Variants in NUDT19 observed in about 807,000 individuals in gnomAD.
The protein encoded by NUDT19 is nudix hydrolase 19.
In NUDT19, 31 loss-of-function variants were observed where a neutral mutation model predicts 22.2. That is an observed-to-expected ratio of 1.40 (90% confidence interval 1.05 to 1.89). The LOEUF (loss-of-function observed/expected upper bound fraction) is 1.89, where lower values mean the gene tolerates loss of function less well. Ranked by LOEUF, NUDT19 falls within the 40% of genes most tolerant of loss-of-function variation. The probability of loss-of-function intolerance (pLI) is 0.00; values close to 1 mark genes in which losing one functional copy is unlikely to be tolerated. For synonymous variants in NUDT19, 325 were observed against 230.8 expected, an observed-to-expected ratio of 1.41 and a Z score of -3.70; for missense variants, 752 against 514.2, an observed-to-expected ratio of 1.46 and a Z score of -4.47.
At chr19:32,709,416 T>C in intron 2 of NUDT19, 24 bp downstream of exon 2, 2 of 1,598,004 alleles carry the variant, frequency 1.3e-6, no homozygotes, top group Middle Eastern at 3.3e-4. Flanking sequence ...GCATCGGTGC[T>C]TTTGTTAGTA....
Position 32,712,246 on chromosome 19 carries a change from T to C in NUDT19, c.*289T>C, listed in dbSNP as rs1599804805. 1 of 270,990 alleles carries C rather than the reference T, an allele frequency of 3.7e-6. No homozygotes were observed. The highest frequency in any genetic ancestry group is 9.0e-5 in the East Asian group (1 of 11,170). 16.8% of individuals were successfully genotyped at this position (270,990 alleles called of 1,614,324 possible). ...CCCGCCACCATGCCCAGCTAATTTT[T>C]TTTTGTATTTTTAGTAGAGACGGGT... On this transcript the variant is annotated 3_prime_UTR_variant, in exon 3 of 3. Transcript: ENST00000397061.
chr19:32,711,626 G>T (rs1450072677), intron 2 of NUDT19, 126 bp from the exon 3 acceptor site: 1 of 625,448 alleles, frequency 1.6e-6, no homozygotes, highest in African/African-American at 1.8e-5. Flanking sequence ...ATACTGATTT[G>T]TATTTCATTA....
At chr19:32,693,170 G>A (rs1968222008) in intron 1 of NUDT19, among the ~76,000 whole-genome samples, 1 of 152,202 alleles carries the variant, frequency 6.6e-6, no homozygotes, top group South Asian at 2.1e-4. Flanking sequence ...TAAAGCCGCG[G>A]ACCCTCGAAG....
At chr19:32,696,648 A>T (rs572475501) in intron 1 of NUDT19, among the ~76,000 whole-genome samples, 4 of 152,098 alleles carry the variant, frequency 2.6e-5, no homozygotes, top group Non-Finnish European at 5.9e-5. Context: ...CCTCCCTAAT[A>T]AGGGTGTGGG....
rs1221021302 is a variant in NUDT19 at position 32,691,986 on chromosome 19, C to G, written c.26C>G (p.Pro9Arg). ...ATGAGCAGCTCCCTGCGGCCGGGCC[C>G]CAGCCGCTGGCGGCGGGCGGCCAGC... is the stretch of plus-strand genomic sequence containing the variant. MSSSLRPG[P>R]SRWRRAASIV... is the part of the protein sequence containing the mutation. Residue 9 changes from proline (P) to arginine (R), a missense_variant, in exon 1 of 3, where the codon CCC (proline) becomes CGC (arginine). Pro to Arg is a moderately radical substitution (Grantham distance 103). Transcript: ENST00000397061. 1 of 1,234,994 alleles carries G rather than the reference C, an allele frequency of 8.1e-7. No homozygotes were observed. The highest frequency in any genetic ancestry group is 3.2e-5 in the East Asian group (1 of 30,988). The allele number at this position is 1,234,994 out of a possible 1,614,324, so 76.5% of individuals were successfully genotyped here.
chr19:32,692,202 C>T lies in NUDT19; in HGVS notation c.242C>T (p.Ala81Val). Residue 81 changes from alanine (A) to valine (V), a missense_variant, in exon 1 of 3, where the codon GCG (alanine) becomes GTG (valine). Coordinates refer to ENST00000397061, the MANE Select transcript of NUDT19 (RefSeq NM_001105570.2). The part of the protein sequence containing the change: ...DRSADWLGLF[A>V]PHHGPPRFGL... ...TCGGCGGACTGGCTGGGCCTCTTCG[C>T]GCCGCACCACGGGCCGCCGCGCTTC... is the stretch of plus-strand genomic sequence containing the variant. The T allele has an allele frequency of 1.9e-6, 3 of 1,575,718 alleles. No homozygotes were observed. The highest frequency in any genetic ancestry group is 2.6e-6 in the Non-Finnish European group (3 of 1,170,516).
chr19:32,696,881 CAGTG>C (rs1049608017), intron 1 of NUDT19, among the ~76,000 whole-genome samples: 1 of 152,132 alleles, frequency 6.6e-6, no homozygotes, highest in African/African-American at 2.4e-5. Flanking sequence ...ACCCAGGACT[CAGTG>C]AGAGTGATGA....
chr19:32,691,985 C>T lies in NUDT19; in HGVS notation c.25C>T (p.Pro9Ser). MSSSLRPGPSRWRRAASIV... is the reference protein window; with the variant it reads MSSSLRPGSSRWRRAASIV... ...CATGAGCAGCTCCCTGCGGCCGGGC[C>T]CCAGCCGCTGGCGGCGGGCGGCCAG... The change falls in exon 1 of 3, where the codon CCC becomes TCC. Residue 9 changes from proline to serine, a missense_variant. Transcript: ENST00000397061. The T allele has an allele frequency of 5.7e-6, 7 of 1,235,004 alleles. No homozygotes were observed. The highest frequency in any genetic ancestry group is 6.1e-6 in the Non-Finnish European group (6 of 991,512). 76.5% of individuals were successfully genotyped at this position (1,235,004 alleles called of 1,614,324 possible). A position where few individuals can be genotyped will look rare whatever the true frequency, so the allele number is the denominator to read the frequency against.
chr19:32,693,070 C>T (rs1252260273), intron 1 of NUDT19, among the ~76,000 whole-genome samples: 2 of 152,250 alleles, frequency 1.3e-5, no homozygotes, highest in East Asian at 3.8e-4. Context: ...TCTTGTCTCT[C>T]TGTGTTGCAC....
rs914457619 is a variant in NUDT19, at chr19:32,691,900, G to C, written c.-61G>C. On this transcript the variant is annotated 5_prime_UTR_variant, in exon 1 of 3. Transcript: ENST00000397061. ...CCGGAGGTGCTGGGGTCCCTGCAGG[G>C]CCGGGCCACCTGCCGTGGAGCTCAG... is the stretch of plus-strand genomic sequence containing the variant. 2 of 1,015,488 alleles carry C rather than the reference G, an allele frequency of 2.0e-6. No individual in the cohort carries two copies. The highest frequency in any genetic ancestry group is 2.5e-6 in the Non-Finnish European group (2 of 798,792). The allele number at this position is 1,015,488 out of a possible 1,614,324, so 62.9% of individuals were successfully genotyped here. A position where few individuals can be genotyped will look rare whatever the true frequency, so the allele number is the denominator to read the frequency against.
Position 32,698,656 on chromosome 19 carries a change from GCTCA to G in NUDT19, c.714+5985_714+5988del, listed in dbSNP as rs371891705. On this transcript the variant is annotated intron_variant, in intron 1 of 2. Transcript: ENST00000397061. ...GGACCCTGCTGATCAGAATGGTTGT[GCTCA>G]CTGACACAGCAGCAGAAACACTAGT... is the stretch of plus-strand genomic sequence containing the variant. 8.3e-4 allele frequency among the ~76,000 whole-genome samples: 126 copies of G among 152,296 alleles called. 1 individual carries two copies. The South Asian group carries it at 8.7e-3, about 11-fold the overall frequency.
chr19:32,701,839 T>C (rs1470283393), intron 1 of NUDT19, among the ~76,000 whole-genome samples: 1 of 152,208 alleles, frequency 6.6e-6, no homozygotes, highest in Non-Finnish European at 1.5e-5. Context: ...TTTTAAACTA[T>C]CTGTGTCTTT....
chr19:32,707,788 T>G (rs1194568004), intron 1 of NUDT19, among the ~76,000 whole-genome samples: 3 of 150,382 alleles, frequency 2.0e-5, no homozygotes, highest in Non-Finnish European at 4.4e-5. Context: ...ACCATCCTGG[T>G]GAACACGGTG....
intron 1 of NUDT19, among the ~76,000 whole-genome samples, chr19:32,694,582 C>T (rs892796898): frequency 1.2e-4 from 19 of 152,270 alleles, no homozygotes; most frequent in Admixed American, 6.5e-4. Context: ...TTGTATGGCC[C>T]TGTGCTGATG....
At chr19:32,711,284 C>T (rs999456793) in intron 2 of NUDT19, among the ~76,000 whole-genome samples, 1 of 151,884 alleles carries the variant, frequency 6.6e-6, no homozygotes, top group African/African-American at 2.4e-5. Context: ...GTAAACATGG[C>T]GAAACCTGTC....
Position 32,709,391 on chromosome 19 carries a change from A to T in NUDT19, c.921A>T (p.Pro307=). The T allele has an allele frequency of 6.2e-7, 1 of 1,613,394 alleles. No individual in the cohort carries two copies. The highest frequency in any genetic ancestry group is 1.3e-5 in the African/African-American group (1 of 75,044). The change falls in exon 2 of 3, where the codon CCA becomes CCT. Residue 307 remains proline, a splice_region_variant and synonymous_variant. Coordinates refer to ENST00000397061, the MANE Select transcript of NUDT19 (RefSeq NM_001105570.2). The part of the protein sequence containing the change: ...LTADGMVHLL[P]GDELYLEDSD... ...CTGATGGGATGGTCCATCTTTTACC[A>T]GGTAAACCAGTGAAGCATCGGTGCT...
rs371803324 is a variant in NUDT19 at position 32,692,461 on chromosome 19, G to C, written c.501G>C (p.Trp167Cys). Residue 167 changes from tryptophan to cysteine, a missense_variant, in exon 1 of 3, where the codon TGG becomes TGC. By Grantham distance (215) the Trp-to-Cys change is radical (BLOSUM62 -2). Coordinates refer to ENST00000397061, the MANE Select transcript of NUDT19 (RefSeq NM_001105570.2). ...ALEPPPGLAS[W>C]RDRVRQDPRH... ...AGCCACCGCCGGGCCTGGCCTCCTG[G>C]CGCGACCGCGTGCGCCAGGACCCGC... is the stretch of plus-strand genomic sequence containing the variant. The C allele has an allele frequency of 5.6e-4, 868 of 1,546,268 alleles. 3 individuals are homozygous for C. Among genetic ancestry groups the C allele is most frequent in the Non-Finnish European group, 3.5e-4 (406 of 1,150,570 alleles).
intron 1 of NUDT19, among the ~76,000 whole-genome samples, chr19:32,708,501 T>C (rs1481476222): frequency 2.6e-5 from 4 of 152,032 alleles, no homozygotes; most frequent in Non-Finnish European, 2.9e-5. Flanking sequence ...TAAATGTCTA[T>C]GGAAAGAAGG....
At chr19:32,692,888 A>C (rs1396053294) in intron 1 of NUDT19, among the ~76,000 whole-genome samples, 1 of 152,222 alleles carries the variant, frequency 6.6e-6, no homozygotes. Context: ...TTGGGGTCTC[A>C]AGGCCTGGAG....
Sources: gnomAD v4.1 joint callset for allele counts (sites outside exome capture counted in the v4.1 genomes callset) on GRCh38, gnomAD v4.1.1 for gene constraint, MANE v1.5 for transcripts, NCBI Gene and HGNC (gene_info 2026-07-23, HGNC 2026-07-21) for gene names.